The following RGS20 variants were observed in gnomAD, a reference collection of about 807,000 sequenced individuals.
The protein encoded by RGS20 is gz-selective GTPase-activating protein.
Under a neutral mutation model 33.6 loss-of-function variants are expected in RGS20, and 30 were observed. That is an observed-to-expected ratio of 0.89 (90% CI 0.67 to 1.21). RGS20 has a LOEUF of 1.21. Among genes scored for constraint, RGS20 ranks in the 50% most tolerant of loss-of-function variants. The pLI is 0.00. For synonymous variants in RGS20, 208 were observed against 197.9 expected (o/e 1.05, Z -0.43); for missense variants, 472 against 502.4 (o/e 0.94, Z 0.58).
At chr8:53,876,803 G>A (rs888359819) in intron 1 of RGS20, among the ~76,000 whole-genome samples, 2 of 152,236 alleles carry the variant, frequency 1.3e-5, no homozygotes, top group Admixed American at 1.3e-4. Context: ...GGCAAGCGGT[G>A]ACTGTCTCCA....
At chr8:53,942,769 G>A (rs1197824521) in intron 3 of RGS20, among the ~76,000 whole-genome samples, 1 of 149,734 alleles carries the variant, frequency 6.7e-6, no homozygotes, top group African/African-American at 2.5e-5. Flanking sequence ...CAGAAGGATT[G>A]TTTGAGCCCA....
chr8:53,955,696 T>C (rs1228023828), intron 5 of RGS20, among the ~76,000 whole-genome samples: 1 of 152,056 alleles, frequency 6.6e-6, no homozygotes, highest in Non-Finnish European at 1.5e-5. Context: ...CCAGGTGTGG[T>C]AGCATTCATC....
At chr8:53,889,421 T>C (rs1241977493) in intron 2 of RGS20, among the ~76,000 whole-genome samples, 3,416 of 77,430 alleles carry the variant, frequency 0.044, 698 homozygotes, top group African/African-American at 0.27. Context: ...TCTTTTTTTT[T>C]TTTTTTTTTT....
intron 1 of RGS20, among the ~76,000 whole-genome samples, chr8:53,873,174 C>G (rs1367075767): frequency 6.6e-6 from 1 of 152,194 alleles, no homozygotes; most frequent in Admixed American, 6.5e-5. Context: ...CCTGCTCCCA[C>G]TTCGTCATCT....
intron 1 of RGS20, among the ~76,000 whole-genome samples, chr8:53,860,440 G>A (rs1222060619): frequency 6.6e-6 from 1 of 152,174 alleles, no homozygotes; most frequent in Non-Finnish European, 1.5e-5. Flanking sequence ...AAATATGCAA[G>A]ACATTGTCTC....
chr8:53,872,599 G>A (rs575578279), intron 1 of RGS20, among the ~76,000 whole-genome samples: 5 of 152,248 alleles, frequency 3.3e-5, no homozygotes, highest in Admixed American at 3.3e-4. Flanking sequence ...TCTGGTTTCT[G>A]TTTCCGCTGT....
intron 2 of RGS20, among the ~76,000 whole-genome samples, chr8:53,897,469 T>G (rs577390516): frequency 6.6e-6 from 1 of 152,346 alleles, no homozygotes; most frequent in East Asian, 1.9e-4. Context: ...ACAGTTCAAA[T>G]AAAAATGAAT....
At chr8:53,892,322 G>T (rs1402029794) in intron 2 of RGS20, among the ~76,000 whole-genome samples, 3 of 152,134 alleles carry the variant, frequency 2.0e-5, no homozygotes, top group Non-Finnish European at 2.9e-5. Flanking sequence ...CCAAGTCTTT[G>T]CTATTGTGAA....
At position 53,946,107 on chromosome 8, in the gene RGS20, A is replaced by G. The variant is rs149068045; in HGVS notation, c.660-558A>G. 5.0e-3 allele frequency among the ~76,000 whole-genome samples: 759 copies of G among 152,342 alleles called. 6 individuals are homozygous for G. Among genetic ancestry groups the G allele is most frequent in the African/African-American group, 0.017 (726 of 41,568 alleles). On this transcript the variant is annotated intron_variant, in intron 3 of 5. Coordinates refer to ENST00000297313, the MANE Select transcript of RGS20 (RefSeq NM_170587.4). ...CTTTTGTATATTTGCCTATAAATATATGAAGCCTCCATTTTGACTGGAAAC... is the reference window on the plus strand; with the variant it reads ...CTTTTGTATATTTGCCTATAAATATGTGAAGCCTCCATTTTGACTGGAAAC...
At chr8:53,872,390 C>T (rs1374203007) in intron 1 of RGS20, among the ~76,000 whole-genome samples, 1 of 152,094 alleles carries the variant, frequency 6.6e-6, no homozygotes, top group East Asian at 1.9e-4. Flanking sequence ...ATCCAAAATC[C>T]TTACCATGAT....
chr8:53,885,206 T>C (rs1812505560), intron 2 of RGS20, among the ~76,000 whole-genome samples: 1 of 152,268 alleles, frequency 6.6e-6, no homozygotes, highest in African/African-American at 2.4e-5. Flanking sequence ...TATTAATTCC[T>C]GAAATCCTGC....
At chr8:53,940,898 A>G (rs1387168307) in intron 3 of RGS20, among the ~76,000 whole-genome samples, 1 of 152,152 alleles carries the variant, frequency 6.6e-6, no homozygotes, top group African/African-American at 2.4e-5. Context: ...CTAAAGGAGG[A>G]AGACACCAGT....
intron 2 of RGS20, among the ~76,000 whole-genome samples, chr8:53,890,275 TG>T (rs1228802536): frequency 6.6e-6 from 1 of 152,240 alleles, no homozygotes; most frequent in Non-Finnish European, 1.5e-5. Context: ...TTTCAGAACT[TG>T]TTTTCTTCTA....
chr8:53,874,367 GGTGTGTGTGTGTGT>G (rs138636662), intron 1 of RGS20, among the ~76,000 whole-genome samples: 66 of 146,582 alleles, frequency 4.5e-4, no homozygotes, highest in African/African-American at 1.4e-3. Flanking sequence ...AGCAATAAGG[GGTGTGTGTGTGTGT>G]GTGTGTGTGT....
At chr8:53,916,778 C>T (rs1422953440) in intron 2 of RGS20, among the ~76,000 whole-genome samples, 1 of 152,138 alleles carries the variant, frequency 6.6e-6, no homozygotes, top group African/African-American at 2.4e-5. Flanking sequence ...AAATTTGTTT[C>T]TCACAGTTCT....
intron 2 of RGS20, chr8:53,914,865 C>A (rs1813443299): frequency 6.6e-6 from 1 of 152,138 alleles, no homozygotes; most frequent in Non-Finnish European, 1.5e-5. Flanking sequence ...TTAGTCCCTG[C>A]CAGGCACGGT....
At chr8:53,930,132 A>C (rs1813912984) in intron 2 of RGS20, among the ~76,000 whole-genome samples, 1 of 152,250 alleles carries the variant, frequency 6.6e-6, no homozygotes, top group South Asian at 2.1e-4. Context: ...AAAAAGGTAC[A>C]GGAAGCAAAG....
intron 2 of RGS20, among the ~76,000 whole-genome samples, chr8:53,911,549 T>C (rs933172215): frequency 1.6e-5 from 2 of 123,322 alleles, no homozygotes; most frequent in African/African-American, 9.6e-5. Context: ...TGAAAAAATA[T>C]AAATTTAAAA....
chr8:53,881,239 G>GTTCCTT (rs1812372544), intron 2 of RGS20, among the ~76,000 whole-genome samples, 155 bp downstream of exon 1: 3 of 152,124 alleles, frequency 2.0e-5, no homozygotes, highest in African/African-American at 7.2e-5. Flanking sequence ...CGAGTCGGGG[G>GTTCCTT]TTCCTTCCCG....
Sources: allele counts gnomAD v4.1 joint callset (sites outside exome capture counted in the v4.1 genomes callset), GRCh38; gene constraint gnomAD v4.1.1; transcripts MANE v1.5; gene names NCBI Gene and HGNC (gene_info 2026-07-23, HGNC 2026-07-21).